Variants in PRRG4 observed in about 807,000 individuals in gnomAD.
PRRG4 encodes the protein transmembrane gamma-carboxyglutamic acid protein 4.
A neutral mutation model predicts 20.0 loss-of-function variants in PRRG4; 12 were observed. That is an observed-to-expected ratio of 0.60 (90% CI 0.38 to 0.97). The LOEUF is 0.97. Ranked by LOEUF, PRRG4 falls within the 50% of genes least tolerant of loss-of-function variation. The probability of loss-of-function intolerance (pLI) is 0.00; values close to 1 mark genes in which losing one functional copy is unlikely to be tolerated. For missense variants in PRRG4, 199 were observed against 265.1 expected, an observed-to-expected ratio of 0.75 and a Z score of 1.73; for synonymous variants, 94 against 96.4, an observed-to-expected ratio of 0.98 and a Z score of 0.15.
chr11:32,838,126 C>G (rs1211335172), intron 3 of PRRG4, among the ~76,000 whole-genome samples: 1 of 152,066 alleles, frequency 6.6e-6, no homozygotes, highest in Non-Finnish European at 1.5e-5. Flanking sequence ...TTAAAATTGT[C>G]TCAACAATGT....
chr11:32,846,996 C>G (rs1261423716), intron 5 of PRRG4, among the ~76,000 whole-genome samples: 1 of 143,628 alleles, frequency 7.0e-6, no homozygotes, highest in Admixed American at 6.9e-5. Context: ...GACTCTGTCT[C>G]AAAAAAAAAA....
At chr11:32,839,031 T>C in intron 4 of PRRG4, 101 bp downstream of exon 4, 1 of 792,060 alleles carries the variant, frequency 1.3e-6, no homozygotes, top group Non-Finnish European at 2.1e-6. Context: ...GCAACATACA[T>C]ACCTTATAAA....
chr11:32,855,019 T>C lies in PRRG4; in HGVS notation c.*1492T>C, dbSNP rs922768154. ...CTCTGTATAACTACATATGATTATTTTGAAATTTGTTAAACTTCATAAGTA... is the reference window on the plus strand; with the variant it reads ...CTCTGTATAACTACATATGATTATTCTGAAATTTGTTAAACTTCATAAGTA... On this transcript the variant is annotated 3_prime_UTR_variant, in exon 6 of 6. Coordinates refer to ENST00000257836, the MANE Select transcript of PRRG4 (RefSeq NM_024081.6). The C allele has an allele frequency of 2.6e-5, 4 of 152,234 alleles. No individual in the cohort carries two copies. The highest frequency in any genetic ancestry group is 6.5e-5 in the Admixed American group (1 of 15,284). The allele number at this position is 152,234 out of a possible 1,614,324, so 9.4% of individuals were successfully genotyped here. A position where few individuals can be genotyped will look rare whatever the true frequency, so the allele number is the denominator to read the frequency against.
At chr11:32,838,835 G>A in intron 3 of PRRG4, 47 bp from the exon 4 acceptor site, 1 of 1,387,896 alleles carries the variant, frequency 7.2e-7, no homozygotes, top group Non-Finnish European at 1.0e-6. Flanking sequence ...AATGAAATGT[G>A]ATAATAAAGA....
At chr11:32,843,730 GT>G (rs11367288) in intron 5 of PRRG4, among the ~76,000 whole-genome samples, 123,460 of 142,028 alleles carry the variant, frequency 0.87, 53,570 homozygotes, top group East Asian at 0.98. Context: ...CCGTTTTTCT[GT>G]TTTTTTTTTT....
chr11:32,830,310 A>G, intron 1 of PRRG4, 137 bp downstream of exon 1: 1 of 843,524 alleles, frequency 1.2e-6, no homozygotes, highest in Non-Finnish European at 1.6e-6. Flanking sequence ...CGGCAGGGTC[A>G]CTGGGCACGG....
intron 5 of PRRG4, among the ~76,000 whole-genome samples, chr11:32,851,656 T>G (rs953537122): frequency 1.3e-5 from 2 of 152,198 alleles, no homozygotes; most frequent in African/African-American, 2.4e-5. Flanking sequence ...ATTGACTGAT[T>G]TAATTTGGAA....
At chr11:32,834,340 A>G (rs1011560141) in intron 2 of PRRG4, among the ~76,000 whole-genome samples, 1 of 152,144 alleles carries the variant, frequency 6.6e-6, no homozygotes, top group Non-Finnish European at 1.5e-5. Context: ...TTTTCATTCT[A>G]TGTCCATTTG....
intron 1 of PRRG4, 100 bp downstream of exon 1, chr11:32,830,273 C>T: frequency 1.4e-5 from 14 of 978,634 alleles, no homozygotes; most frequent in Middle Eastern, 3.8e-4. Context: ...GAGGGTTGCC[C>T]GCGGCGACAG....
At chr11:32,835,931 A>G (rs1399392159) in intron 2 of PRRG4, among the ~76,000 whole-genome samples, 1 of 152,010 alleles carries the variant, frequency 6.6e-6, no homozygotes, top group African/African-American at 2.4e-5. Context: ...GTGAAACCTC[A>G]TATCTACTAA....
In PRRG4 at chr11:32,854,654, T is replaced by C. The variant is rs1851214617; in HGVS notation, c.*1127T>C. 6.6e-6 allele frequency: 1 copy of C among 152,184 alleles called. No homozygotes were observed. Among genetic ancestry groups the C allele is most frequent in the Non-Finnish European group, 1.5e-5 (1 of 68,032 alleles). The allele number at this position is 152,184 out of a possible 1,614,324, so 9.4% of individuals were successfully genotyped here. On this transcript the variant is annotated 3_prime_UTR_variant, in exon 6 of 6. Coordinates refer to ENST00000257836, the MANE Select transcript of PRRG4 (RefSeq NM_024081.6). The stretch of plus-strand genomic sequence containing the variant: ...GGGGGTTAGAAATACTTCACAGAAT[T>C]TGACATTTCAGTATAAATCTGTGAC...
chr11:32,843,154 T>C (rs1402737870), intron 5 of PRRG4, among the ~76,000 whole-genome samples: 5 of 152,162 alleles, frequency 3.3e-5, no homozygotes, highest in Non-Finnish European at 7.4e-5. Flanking sequence ...GAAGAAAGTT[T>C]AAAGTAGGTT....
At chr11:32,839,873 A>G (rs1438499275) in intron 4 of PRRG4, among the ~76,000 whole-genome samples, 2 of 146,926 alleles carry the variant, frequency 1.4e-5, no homozygotes, top group African/African-American at 4.9e-5. Context: ...TATATATTTT[A>G]AATAAATAAA....
At chr11:32,847,961 A>G (rs577573111) in intron 5 of PRRG4, among the ~76,000 whole-genome samples, 1 of 152,376 alleles carries the variant, frequency 6.6e-6, no homozygotes, top group Non-Finnish European at 1.5e-5. Context: ...ATTCACAGAG[A>G]CAAAAAGTAG....
Position 32,840,788 on chromosome 11 carries a change from A to G in PRRG4, c.449+549A>G, listed in dbSNP as rs1054126257. Among the ~76,000 whole-genome samples, 35 of 152,244 alleles carry G rather than the reference A, an allele frequency of 2.3e-4. No individual in the cohort carries two copies. The highest frequency in any genetic ancestry group is 7.7e-4 in the African/African-American group (32 of 41,464). On this transcript the variant is annotated intron_variant, in intron 5 of 5. Coordinates refer to ENST00000257836, the MANE Select transcript of PRRG4 (RefSeq NM_024081.6). This position sits in a 1 kb window ranked among gnomAD's most constrained non-coding sequence, Gnocchi z 4.1. The stretch of plus-strand genomic sequence containing the variant: ...ATTATTTCCAGAGGCAAGAAGTCCT[A>G]TAGTTTACGCTGAGTCACAGAGTTA...
intron 2 of PRRG4, 129 bp downstream of exon 2, chr11:32,830,761 G>T: frequency 7.0e-7 from 1 of 1,421,688 alleles, no homozygotes; most frequent in South Asian, 1.3e-5. Flanking sequence ...TTAATTTGTG[G>T]CATATTTGGC....
Position 32,838,925 on chromosome 11 carries a change from A to C in PRRG4, c.311A>C (p.Lys104Thr), listed in dbSNP as rs372423109. The C allele has an allele frequency of 6.2e-7, 1 of 1,605,348 alleles. No homozygotes were observed. Among genetic ancestry groups the C allele is most frequent in the Non-Finnish European group, 8.5e-7 (1 of 1,172,228 alleles). ...TATTCAGCTAAAGGACCAACCACAA[A>C]ATCAGGTAAAACAAGAATTGATCAA... ...QEYSAKGPTT[K>T]SDGNREKIDV... Residue 104 changes from lysine to threonine, a missense_variant, in exon 4 of 6, where the codon AAA (lysine) becomes ACA (threonine). Lys to Thr is a moderately conservative substitution (Grantham distance 78). Coordinates refer to ENST00000257836, the MANE Select transcript of PRRG4 (RefSeq NM_024081.6).
intron 5 of PRRG4, 77 bp from the exon 6 acceptor site, chr11:32,853,219 G>C (rs1357813201): frequency 5.4e-6 from 5 of 927,924 alleles, no homozygotes; most frequent in African/African-American, 3.3e-5. Flanking sequence ...TAAGATAGTT[G>C]GTTGGATTTT....
chr11:32,837,097 C>G (rs1262842926), intron 3 of PRRG4, among the ~76,000 whole-genome samples: 1 of 152,118 alleles, frequency 6.6e-6, no homozygotes. Flanking sequence ...GTGAATTTAA[C>G]TCCAAGATTT....
Sources: gnomAD v4.1 joint callset for allele counts (sites outside exome capture counted in the v4.1 genomes callset) on GRCh38, gnomAD v4.1.1 for gene constraint, Gnocchi (gnomAD v3.1) non-coding constraint, MANE v1.5 for transcripts, NCBI Gene and HGNC (gene_info 2026-07-23, HGNC 2026-07-21) for gene names.